Variants in POTEE observed in about 807,000 individuals in gnomAD.
POTEE encodes the protein POTE ankyrin domain family member E, also known as ANKRD26-like family C member 1A.
Under a neutral mutation model 74.2 loss-of-function variants are expected in POTEE, and 21 were observed. The observed-to-expected ratio is 0.28, with a 90% CI of 0.20 to 0.41. The LOEUF (loss-of-function observed/expected upper bound fraction) is 0.41. Ranked by LOEUF, POTEE falls within the 10% of genes least tolerant of loss-of-function variation. The pLI, the probability that POTEE is intolerant of heterozygous loss-of-function variation, is 1.00. For missense variants in POTEE, 525 were observed against 1,158.6 expected (o/e 0.45, Z 7.94); for synonymous variants, 211 against 432.8 (o/e 0.49, Z 6.36).
At chr2:131,214,388 T>G (rs1164408274) in intron 2 of POTEE, among the ~76,000 whole-genome samples, 6 of 152,238 alleles carry the variant, frequency 3.9e-5, no homozygotes, top group East Asian at 3.8e-4. Context: ...TATGGCAAAT[T>G]GTTGTCCTAA....
chr2:131,235,785 C>T (rs1276912188), intron 9 of POTEE, among the ~76,000 whole-genome samples: 3 of 116,210 alleles, frequency 2.6e-5, no homozygotes, highest in Non-Finnish European at 5.4e-5. Flanking sequence ...AGAGCAAGAC[C>T]CTGGCTCAAA....
chr2:131,211,616 G>A (rs1251590653), intron 2 of POTEE, among the ~76,000 whole-genome samples: 10 of 142,374 alleles, frequency 7.0e-5, no homozygotes, highest in East Asian at 6.2e-4. Flanking sequence ...GCAGTGGTGC[G>A]ATCTCGGCTC....
chr2:131,220,342 T>TA, intron 4 of POTEE, among the ~76,000 whole-genome samples: 1 of 150,712 alleles, frequency 6.6e-6, no homozygotes, highest in Admixed American at 6.6e-5. Flanking sequence ...TAGCTGGGAT[T>TA]ACAGGCGCCT....
intron 10 of POTEE, among the ~76,000 whole-genome samples, chr2:131,237,541 A>T (rs57254167): frequency 0.083 from 11,274 of 136,124 alleles, 2 homozygotes; most frequent in African/African-American, 0.1. Context: ...TTATTAAAAA[A>T]TCTTTATCCA....
intron 13 of POTEE, among the ~76,000 whole-genome samples, chr2:131,248,514 G>A (rs1701405258): frequency 1.3e-5 from 2 of 151,788 alleles, no homozygotes; most frequent in Admixed American, 1.3e-4. Flanking sequence ...TTCGATGCAT[G>A]TTTAATGGAA....
At chr2:131,225,315 G>T in intron 6 of POTEE, among the ~76,000 whole-genome samples, 1 of 152,086 alleles carries the variant, frequency 6.6e-6, no homozygotes, top group Non-Finnish European at 1.5e-5. Context: ...AGGCTGAGGT[G>T]GGAGGATTGC....
Position 131,263,647 on chromosome 2 carries a change from T to TC in POTEE, c.2195dup (p.Ser733PhefsTer49), listed in dbSNP as rs1382244050. On this transcript the variant is annotated frameshift_variant, in exon 18 of 18. Coordinates refer to ENST00000683005, the MANE Select transcript of POTEE (RefSeq NM_001083538.3). LOFTEE classifies it high-confidence loss of function. ...GGCGACGATGCCCCCCGGGCTGTCT[T>TC]CCCTTCCATCGTGGGGCGCCCCAGG... is the stretch of plus-strand genomic sequence containing the variant. The TC allele has an allele frequency of 6.3e-7, 1 of 1,586,776 alleles. No individual in the cohort carries two copies. Among genetic ancestry groups the TC allele is most frequent in the Admixed American group, 1.8e-5 (1 of 55,520 alleles).
At chr2:131,210,527 C>T (rs1253691975) in intron 1 of POTEE, among the ~76,000 whole-genome samples, 4 of 151,956 alleles carry the variant, frequency 2.6e-5, no homozygotes, top group Non-Finnish European at 5.9e-5. Context: ...TCGGGTAACT[C>T]TTCTCTTTTC....
At chr2:131,239,881 C>T (rs1573724865) in intron 12 of POTEE, among the ~76,000 whole-genome samples, 1 of 152,208 alleles carries the variant, frequency 6.6e-6, no homozygotes, top group East Asian at 1.9e-4. Flanking sequence ...TCTTTGTGTC[C>T]ATGAGTTCTC....
chr2:131,230,823 T>C lies in POTEE; in HGVS notation c.1056-13T>C. ...TAAAATAGTAATTTGGTTTATTACA[T>C]TTTTATACATAGAATTTGCCAGTTA... is the stretch of plus-strand genomic sequence containing the variant. On this transcript the variant is annotated splice_polypyrimidine_tract_variant and intron_variant, in intron 8 of 17. Transcript: ENST00000683005. 6.6e-7 allele frequency: 1 copy of C among 1,518,244 alleles called. No homozygotes were observed. Among genetic ancestry groups the C allele is most frequent in the Non-Finnish European group, 8.9e-7 (1 of 1,125,050 alleles). The allele number at this position is 1,518,244 out of a possible 1,614,324, so 94.0% of individuals were successfully genotyped here.
chr2:131,237,639 C>T (rs1189076384), intron 10 of POTEE, among the ~76,000 whole-genome samples: 2 of 151,634 alleles, frequency 1.3e-5, no homozygotes, highest in African/African-American at 2.4e-5. Context: ...AGTATATAAT[C>T]TCAATTAAAA....
intron 6 of POTEE, among the ~76,000 whole-genome samples, chr2:131,226,182 A>G (rs1444133466): frequency 2.0e-5 from 3 of 151,090 alleles, no homozygotes; most frequent in Non-Finnish European, 4.4e-5. Flanking sequence ...TGGCAGTTTT[A>G]AACACTAAAA....
intron 2 of POTEE, among the ~76,000 whole-genome samples, chr2:131,216,937 T>C (rs1252394347): frequency 6.6e-6 from 1 of 152,088 alleles, no homozygotes; most frequent in African/African-American, 2.4e-5. Flanking sequence ...ATGGGGAAAA[T>C]AGGGAAAGAT....
intron 6 of POTEE, among the ~76,000 whole-genome samples, chr2:131,224,595 GA>G (rs1355149047): frequency 6.6e-6 from 1 of 151,688 alleles, no homozygotes; most frequent in Admixed American, 6.6e-5. Context: ...ATAATGGAGG[GA>G]AAAGACCATG....
intron 6 of POTEE, among the ~76,000 whole-genome samples, chr2:131,224,417 A>G (rs1290324836): frequency 2.0e-5 from 3 of 146,828 alleles, no homozygotes; most frequent in Non-Finnish European, 4.5e-5. Context: ...AACATGTTTC[A>G]GTGAATAGAG....
At chr2:131,229,817 T>C (rs1356883394) in intron 8 of POTEE, 3 of 152,178 alleles carry the variant, frequency 2.0e-5, no homozygotes, top group African/African-American at 7.2e-5. Context: ...TTGTGATTTG[T>C]GCTGCAAAAA....
At chr2:131,236,414 A>G (rs550136198) in intron 9 of POTEE, among the ~76,000 whole-genome samples, 70 of 152,012 alleles carry the variant, frequency 4.6e-4, no homozygotes, top group East Asian at 5.8e-4. Flanking sequence ...TTTTCTTTAC[A>G]TTTACTGCTT....
intron 9 of POTEE, among the ~76,000 whole-genome samples, chr2:131,233,321 A>G (rs1368603977): frequency 6.6e-6 from 1 of 151,828 alleles, no homozygotes; most frequent in Non-Finnish European, 1.5e-5. Flanking sequence ...AGCCACCATG[A>G]TTATATGTAA....
At chr2:131,228,599 A>G (rs1446998454) in intron 8 of POTEE, among the ~76,000 whole-genome samples, 1 of 147,852 alleles carries the variant, frequency 6.8e-6, no homozygotes, top group East Asian at 1.9e-4. Flanking sequence ...GACTTTTAAG[A>G]TCTTTATCCT....
Sources: gnomAD v4.1 joint callset for allele counts (sites outside exome capture counted in the v4.1 genomes callset) on GRCh38, gnomAD v4.1.1 for gene constraint, MANE v1.5 for transcripts, NCBI Gene and HGNC (gene_info 2026-07-23, HGNC 2026-07-21) for gene names.